Variants in C14orf93 observed in about 807,000 individuals in gnomAD.
C14orf93 encodes the protein uncharacterized protein C14orf93.
A neutral mutation model predicts 44.0 loss-of-function variants in C14orf93; 23 were observed. The observed-to-expected ratio is 0.52, with a 90% confidence interval of 0.38 to 0.74. The LOEUF is 0.74. C14orf93 is among the 30% of genes least tolerant of loss of function. The pLI is 0.00. For synonymous variants in C14orf93, 253 were observed against 265.7 expected, an observed-to-expected ratio of 0.95 and a Z score of 0.46; for missense variants, 579 against 678.9, an observed-to-expected ratio of 0.85 and a Z score of 1.64.
intron 1 of C14orf93, among the ~76,000 whole-genome samples, chr14:23,007,939 A>T (rs2046713682): frequency 6.6e-6 from 1 of 152,024 alleles, no homozygotes; most frequent in Non-Finnish European, 1.5e-5. Flanking sequence ...GATCACCTAA[A>T]GTCAGGAGTT....
At position 22,990,415 on chromosome 14, in the gene C14orf93, G is replaced by A. The variant is rs116940969; in HGVS notation, c.919-288C>T. On this transcript the variant is annotated intron_variant, in intron 3 of 6. Coordinates refer to ENST00000299088, the MANE Select transcript of C14orf93 (RefSeq NM_021944.4). ...CCATGAACATACCCCTGATAGCAAC[G>A]AGAAAGCAAGTATACACCAGGAGTA... Among the ~76,000 whole-genome samples the A allele has an allele frequency of 3.3e-3, 499 of 152,194 alleles. 1 individual carries two copies. Among genetic ancestry groups the A allele is most frequent in the Non-Finnish European group, 4.8e-3 (329 of 68,010 alleles).
At position 22,987,933 on chromosome 14, in the gene C14orf93, C is replaced by T; in HGVS notation, c.1167G>A (p.Glu389=). The change falls in exon 6 of 7, where the codon GAG becomes GAA. Residue 389 remains glutamate, a synonymous_variant. Transcript: ENST00000299088. The surrounding 1 kb of genome is among the most constrained non-coding windows in gnomAD (Gnocchi z 5.6). ...ATCGGCGACTTCGAAGTTTCTTCTC[C>T]TCTTTTTCCTTCAGGCCTTTAAAGG... ...LNPFKGLKEK[E]EKKLRSRRYR... is the part of the protein sequence containing the mutation. 1 of 1,614,032 alleles carries T rather than the reference C, an allele frequency of 6.2e-7. No homozygotes were observed. The highest frequency in any genetic ancestry group is 8.5e-7 in the Non-Finnish European group (1 of 1,179,914).
intron 1 of C14orf93, among the ~76,000 whole-genome samples, chr14:23,007,940 G>T (rs1238072290): frequency 6.6e-6 from 1 of 152,038 alleles, no homozygotes; most frequent in Non-Finnish European, 1.5e-5. Flanking sequence ...ATCACCTAAA[G>T]TCAGGAGTTG....
rs578254809 is a variant in C14orf93, at chr14:22,994,660, G to A, written c.918+1288C>T. On this transcript the variant is annotated intron_variant, in intron 3 of 6. Transcript: ENST00000299088. ...GGAGATCACTTGAGCCTGGGAAGTCGAAGCTGCAGTGAGCCATGATCACAC... is the reference window on the plus strand; with the variant it reads ...GGAGATCACTTGAGCCTGGGAAGTCAAAGCTGCAGTGAGCCATGATCACAC... 2.6e-5 allele frequency among the ~76,000 whole-genome samples: 4 copies of A among 151,124 alleles called. No individual in the cohort carries two copies. The East Asian group carries it at 5.8e-4, about 22-fold the overall frequency.
chr14:22,987,772 C>G lies in C14orf93; in HGVS notation c.1197+131G>C, dbSNP rs1008934120. 8.3e-7 allele frequency: 1 copy of G among 1,208,456 alleles called. No homozygotes were observed. The highest frequency in any genetic ancestry group is 1.5e-5 in the African/African-American group (1 of 65,806). The allele number at this position is 1,208,456 out of a possible 1,614,324, so 74.9% of individuals were successfully genotyped here. A position where few individuals can be genotyped will look rare whatever the true frequency, so the allele number is the denominator to read the frequency against. Reference sequence around the variant, plus strand: ...TCCCCAAGTCAGATCTTAGCATTGGCTCACTGTTCTTCTCTATCTTCCTAC... The same window carrying G: ...TCCCCAAGTCAGATCTTAGCATTGGGTCACTGTTCTTCTCTATCTTCCTAC... On this transcript the variant is annotated intron_variant, in intron 6 of 6. Transcript: ENST00000299088. The surrounding 1 kb of genome is among the most constrained non-coding windows in gnomAD (Gnocchi z 5.6).
At chr14:23,002,092 T>C (rs2046335120) in intron 1 of C14orf93, among the ~76,000 whole-genome samples, 1 of 141,558 alleles carries the variant, frequency 7.1e-6, no homozygotes, top group South Asian at 2.2e-4. Context: ...GAGCTTGCAG[T>C]GAGCCGAGAT....
rs780068233 is a variant in C14orf93 at position 22,996,173 on chromosome 14, G to C, written c.693C>G (p.Ile231Met). ...GTCCTGTCTCTGGGGTTGCCCGCTG[G>C]ATTGCCAGTTGTGTGGCTGGTGAGA... ...KQLSPATQLA[I>M]QRATPETGPE... The change falls in exon 3 of 7, where the codon ATC becomes ATG. Residue 231 changes from isoleucine (I) to methionine (M), a missense_variant. Ile to Met is a conservative substitution (Grantham distance 10, BLOSUM62 1). Transcript: ENST00000299088. The surrounding 1 kb of genome is among the most constrained non-coding windows in gnomAD (Gnocchi z 4.1). 2 of 1,613,752 alleles carry C rather than the reference G, an allele frequency of 1.2e-6. No homozygotes were observed. Among genetic ancestry groups the C allele is most frequent in the Non-Finnish European group, 1.7e-6 (2 of 1,179,736 alleles).
At chr14:23,004,322 T>C (rs1364572607) in intron 1 of C14orf93, among the ~76,000 whole-genome samples, 1 of 151,698 alleles carries the variant, frequency 6.6e-6, no homozygotes, top group East Asian at 2.0e-4. Flanking sequence ...GCGATTCTTC[T>C]GCCTCAGCCT....
At chr14:23,001,958 C>G (rs1332525471) in intron 1 of C14orf93, among the ~76,000 whole-genome samples, 1 of 149,590 alleles carries the variant, frequency 6.7e-6, no homozygotes, top group Non-Finnish European at 1.5e-5. Context: ...ACCATCCTGG[C>G]TAACACAGTG....
In C14orf93 at chr14:22,987,625, T is replaced by C. The variant is rs1313468460; in HGVS notation, c.1207A>G (p.Asn403Asp). 6.3e-7 allele frequency: 1 copy of C among 1,587,756 alleles called. No homozygotes were observed. The highest frequency in any genetic ancestry group is 1.8e-5 in the Admixed American group (1 of 56,252). Residue 403 changes from asparagine (N) to aspartate (D), a missense_variant, in exon 7 of 7, where the codon AAC becomes GAC. Coordinates refer to ENST00000299088, the MANE Select transcript of C14orf93 (RefSeq NM_021944.4). The surrounding 1 kb of genome is among the most constrained non-coding windows in gnomAD (Gnocchi z 5.6). The part of the protein sequence containing the change: ...LRSRRYRLFA[N>D]RSSIMRHFGP... Reference sequence around the variant, plus strand: ...AAATGCCTCATGATACTGGATCGGTTGGCAAAAAGCTAAGGCAGGAACCCA... The same window carrying C: ...AAATGCCTCATGATACTGGATCGGTCGGCAAAAAGCTAAGGCAGGAACCCA...
intron 2 of C14orf93, 151 bp downstream of exon 2, chr14:22,998,276 A>G (rs2046110941): frequency 1.8e-6 from 2 of 1,140,634 alleles, no homozygotes; most frequent in African/African-American, 3.2e-5. Context: ...AGAGCTGACT[A>G]TCCCTGAAGG....
Position 22,999,053 on chromosome 14 carries a change from C to G in C14orf93, c.-30G>C. ...GATGGGGCAGTAACAACCACGCTTA[C>G]ACTGCTGGGCCGCTCCAACAGGTAG... On this transcript the variant is annotated 5_prime_UTR_variant, in exon 2 of 7. Transcript: ENST00000299088. 1 of 1,567,806 alleles carries G rather than the reference C, an allele frequency of 6.4e-7. No homozygotes were observed. The highest frequency in any genetic ancestry group is 8.6e-7 in the Non-Finnish European group (1 of 1,158,858).
At chr14:23,003,891 TATATA>T (rs1303298100) in intron 1 of C14orf93, among the ~76,000 whole-genome samples, 61 of 16,744 alleles carry the variant, frequency 3.6e-3, no homozygotes, top group Admixed American at 0.01. Flanking sequence ...TATATATATA[TATATA>T]TATTTTTTTT....
chr14:23,006,761 G>C (rs1740272197), intron 1 of C14orf93: 2 of 152,344 alleles, frequency 1.3e-5, no homozygotes, highest in Non-Finnish European at 2.9e-5. Flanking sequence ...GGCGATCGCA[G>C]CGACGCGGGA....
At position 22,996,013 on chromosome 14, in the gene C14orf93, A is replaced by T. The variant is rs1429326192; in HGVS notation, c.853T>A (p.Ser285Thr). ...ELRHSLGLTV[S>T]PCRTRGSGQK... ...CCACTTCCTCTGGTCCTGCATGGGGAAACGGTCAGCCCTAGAGAGTGTCTC... is the reference window on the plus strand; with the variant it reads ...CCACTTCCTCTGGTCCTGCATGGGGTAACGGTCAGCCCTAGAGAGTGTCTC... Residue 285 changes from serine (S) to threonine (T), a missense_variant, in exon 3 of 7, where the codon TCC becomes ACC. Transcript: ENST00000299088. This position sits in a 1 kb window ranked among gnomAD's most constrained non-coding sequence, Gnocchi z 4.1. 6.2e-7 allele frequency: 1 copy of T among 1,613,260 alleles called. No individual in the cohort carries two copies. The highest frequency in any genetic ancestry group is 1.1e-5 in the South Asian group (1 of 91,034).
chr14:22,997,450 C>T (rs1241417699), intron 2 of C14orf93, among the ~76,000 whole-genome samples: 1 of 152,108 alleles, frequency 6.6e-6, no homozygotes, highest in South Asian at 2.1e-4. Context: ...AGAGGACAGA[C>T]GGAGAATAAG....
chr14:23,000,544 T>TG (rs1309208041), intron 1 of C14orf93, among the ~76,000 whole-genome samples: 31 of 151,962 alleles, frequency 2.0e-4, no homozygotes, highest in Admixed American at 1.9e-3. Context: ...GGTGAAACCC[T>TG]GTCTCTACTA....
intron 1 of C14orf93, among the ~76,000 whole-genome samples, chr14:23,003,873 TATATATATATATATATATATATA>T (rs2046441535): frequency 2.8e-4 from 4 of 14,050 alleles, no homozygotes; most frequent in South Asian, 4.5e-3. Flanking sequence ...TATATATATA[TATATATATATATATATATATATA>T]TATTTTTTTT....
intron 1 of C14orf93, chr14:23,006,351 T>A (rs1482756101): frequency 1.3e-5 from 2 of 152,192 alleles, no homozygotes; most frequent in Non-Finnish European, 2.9e-5. Context: ...GTGACTCGAC[T>A]AATGGTCTGC....
Sources: allele counts gnomAD v4.1 joint callset (sites outside exome capture counted in the v4.1 genomes callset), GRCh38; gene constraint gnomAD v4.1.1; non-coding constraint Gnocchi (gnomAD v3.1); transcripts MANE v1.5; gene names NCBI Gene and HGNC (gene_info 2026-07-23, HGNC 2026-07-21).